The following RASGRP2 variants were observed in gnomAD, a reference collection of about 807,000 sequenced individuals.
RASGRP2 encodes the protein RAS guanyl-releasing protein 2.
RASGRP2 carries 44 observed loss-of-function variants against 71.0 expected under a neutral mutation model. The ratio of observed to expected loss-of-function variants is 0.62; its 90% CI spans 0.49 to 0.80. The LOEUF (loss-of-function observed/expected upper bound fraction) is 0.80. Among genes scored for constraint, RASGRP2 ranks in the 30% least tolerant of loss-of-function variants. The probability of loss-of-function intolerance (pLI) is 0.00; values close to 1 mark genes in which losing one functional copy is unlikely to be tolerated. For missense variants in RASGRP2, 663 were observed against 813.4 expected, an observed-to-expected ratio of 0.82 and a Z score of 2.25; for synonymous variants, 350 against 330.7, an observed-to-expected ratio of 1.06 and a Z score of -0.63.
Position 64,741,056 on chromosome 11 carries a change from G to A in RASGRP2, c.263C>T (p.Ala88Val), listed in dbSNP as rs759368276. Residue 88 changes from alanine to valine, a missense_variant, in exon 5 of 17, where the codon GCG becomes GTG. By Grantham distance (64) the Ala-to-Val change is moderately conservative. Transcript: ENST00000394432. ...CAACTCCGGGTTCAAGTCAAACTCC[G>A]CTGGGAAGGCGGAGATCCAGTACCT... ...LVRYWISAFP[A>V]EFDLNPELAE... The A allele has an allele frequency of 5.0e-6, 8 of 1,613,368 alleles. No individual in the cohort carries two copies. The highest frequency in any genetic ancestry group is 5.9e-6 in the Non-Finnish European group (7 of 1,179,992).
chr11:64,731,102 G>A (rs1185890500), intron 12 of RASGRP2, among the ~76,000 whole-genome samples: 2 of 152,178 alleles, frequency 1.3e-5, no homozygotes, highest in African/African-American at 2.4e-5. Flanking sequence ...TACGCCTGTA[G>A]TCCCAGCACT....
intron 12 of RASGRP2, among the ~76,000 whole-genome samples, chr11:64,732,304 G>A (rs2057788156): frequency 6.6e-6 from 1 of 150,880 alleles, no homozygotes; most frequent in Admixed American, 6.6e-5. Flanking sequence ...GATCACCTGA[G>A]GTGAGGTCAG....
At chr11:64,729,523 G>A (rs1314329766) in intron 14 of RASGRP2, among the ~76,000 whole-genome samples, 2 of 152,088 alleles carry the variant, frequency 1.3e-5, no homozygotes, top group Non-Finnish European at 2.9e-5. Context: ...TTTTAGTAGA[G>A]GCGGGGTTGC....
At chr11:64,737,223 A>C in intron 8 of RASGRP2, 189 bp from the exon 9 acceptor site, 1 of 662,036 alleles carries the variant, frequency 1.5e-6, no homozygotes, top group East Asian at 2.7e-5. Flanking sequence ...AATTCAAGGC[A>C]ATACTCACTG....
At chr11:64,730,785 G>A (rs138417284) in intron 12 of RASGRP2, among the ~76,000 whole-genome samples, 3 of 152,378 alleles carry the variant, frequency 2.0e-5, no homozygotes, top group African/African-American at 4.8e-5. Context: ...CTCTTGACCT[G>A]TAGCGGAGTA....
chr11:64,742,405 A>G lies in RASGRP2; in HGVS notation c.74-293T>C. 3 of 573,948 alleles carry G rather than the reference A, an allele frequency of 5.2e-6. No individual in the cohort carries two copies. The highest frequency in any genetic ancestry group is 9.4e-6 in the Non-Finnish European group (3 of 320,038). The allele number at this position is 573,948 out of a possible 1,614,324, so 35.6% of individuals were successfully genotyped here. A position where few individuals can be genotyped will look rare whatever the true frequency, so the allele number is the denominator to read the frequency against. ...GGGTTCCCCGGGGTCAAGAATCCAG[A>G]GGTCATTTCCTGAGCGCTTGGGGGG... On this transcript the variant is annotated intron_variant, in intron 2 of 16. Transcript: ENST00000394432. The surrounding 1 kb of genome is among the most constrained non-coding windows in gnomAD (Gnocchi z 4.7).
Position 64,727,138 on chromosome 11 carries a change from A to C in RASGRP2, c.*7-7T>G. On this transcript the variant is annotated splice_region_variant and splice_polypyrimidine_tract_variant and intron_variant, in intron 16 of 16. Transcript: ENST00000394432. ...GTCCTTGATCCAACCACAGCTGGGA[A>C]GAGAAAAACAGGTTGTGAGGAAGAC... The C allele has an allele frequency of 1.5e-6, 1 of 649,992 alleles. No individual in the cohort carries two copies. The highest frequency in any genetic ancestry group is 2.8e-6 in the Non-Finnish European group (1 of 354,816). 40.3% of individuals were successfully genotyped at this position (649,992 alleles called of 1,614,324 possible).
In RASGRP2 at chr11:64,739,816, G is replaced by A; in HGVS notation, c.523-7C>T. The A allele has an allele frequency of 6.2e-7, 1 of 1,613,582 alleles. No homozygotes were observed. The highest frequency in any genetic ancestry group is 1.6e-4 in the Middle Eastern group (1 of 6,062). On this transcript the variant is annotated splice_region_variant and splice_polypyrimidine_tract_variant and intron_variant, in intron 6 of 16. Transcript: ENST00000394432. The surrounding 1 kb of genome is among the most constrained non-coding windows in gnomAD (Gnocchi z 4.2). ...AACTGTGATAGTCCTGAAACTGGGG[G>A]CATGAGGAGTGGCCTCAGCACCTTG...
At chr11:64,733,395 AACACACACACACACACACACACAC>A (rs4014428) in intron 12 of RASGRP2, among the ~76,000 whole-genome samples, 7 of 124,796 alleles carry the variant, frequency 5.6e-5, no homozygotes, top group African/African-American at 9.0e-5. Context: ...CCCCCTCACC[AACACACACACACACACACACACAC>A]ACACACACAC....
Position 64,742,214 on chromosome 11 carries a change from G to T in RASGRP2, c.74-102C>A. ...CCAGGTATCGGTCCTTCGGGTGCACGCTCGACCCCGCCCACCTCCTGCTTG... is the reference window on the plus strand; with the variant it reads ...CCAGGTATCGGTCCTTCGGGTGCACTCTCGACCCCGCCCACCTCCTGCTTG... On this transcript the variant is annotated intron_variant, in intron 2 of 16. Coordinates refer to ENST00000394432, the MANE Select transcript of RASGRP2 (RefSeq NM_001098671.2). The surrounding 1 kb of genome is among the most constrained non-coding windows in gnomAD (Gnocchi z 4.7). The T allele has an allele frequency of 1.2e-6, 1 of 865,344 alleles. No homozygotes were observed. The highest frequency in any genetic ancestry group is 1.9e-6 in the Non-Finnish European group (1 of 522,780). The allele number at this position is 865,344 out of a possible 1,614,324, so 53.6% of individuals were successfully genotyped here. A position where few individuals can be genotyped will look rare whatever the true frequency, so the allele number is the denominator to read the frequency against.
chr11:64,735,083 C>G lies in RASGRP2; in HGVS notation c.1412+29G>C, dbSNP rs781299777. On this transcript the variant is annotated intron_variant, in intron 12 of 16. Transcript: ENST00000394432. The surrounding 1 kb of genome is among the most constrained non-coding windows in gnomAD (Gnocchi z 4.2). ...GCAGAAGTGGGCTGAGTTGCCTTCC[C>G]TCTCCCCCAGGTCCCCAGCCCTCCT... 31 of 1,560,988 alleles carry G rather than the reference C, an allele frequency of 2.0e-5. No homozygotes were observed. The highest frequency in any genetic ancestry group is 2.6e-5 in the Non-Finnish European group (29 of 1,131,606).
At position 64,735,710 on chromosome 11, in the gene RASGRP2, C is replaced by T; in HGVS notation, c.1174-46G>A. The stretch of plus-strand genomic sequence containing the variant: ...GAGCTAGGGCCAGAGGCAGGGGAAG[C>T]CCAGAGCCCCGGGGAACAGAGAGGG... On this transcript the variant is annotated intron_variant, in intron 10 of 16. Coordinates refer to ENST00000394432, the MANE Select transcript of RASGRP2 (RefSeq NM_001098671.2). The surrounding 1 kb of genome is among the most constrained non-coding windows in gnomAD (Gnocchi z 4.2). 1 of 1,579,302 alleles carries T rather than the reference C, an allele frequency of 6.3e-7. No homozygotes were observed. Among genetic ancestry groups the T allele is most frequent in the Non-Finnish European group, 8.6e-7 (1 of 1,164,294 alleles).
At chr11:64,734,092 A>G (rs947405626) in intron 12 of RASGRP2, among the ~76,000 whole-genome samples, 2 of 151,916 alleles carry the variant, frequency 1.3e-5, no homozygotes, top group African/African-American at 4.8e-5. Flanking sequence ...CAGGTAGATC[A>G]CTTGAGGTCA....
chr11:64,741,638 G>A (rs2058127034), intron 3 of RASGRP2, 137 bp from the exon 4 acceptor site: 1 of 831,810 alleles, frequency 1.2e-6, no homozygotes, highest in African/African-American at 1.7e-5. Context: ...TGGGGGTGAG[G>A]CTTGAGCTCT....
Position 64,728,900 on chromosome 11 carries a change from A to G in RASGRP2, c.1734T>C (p.Ser578=), listed in dbSNP as rs1592347677. The stretch of plus-strand genomic sequence containing the variant: ...AGCCTCGCCTGCCAGGGCGGGGCAG[A>G]GAGAAGCTGAAGGCGCGGTGATGGT... ...HSHHHRAFSF[S]LPRPGRRGSR... Residue 578 remains serine (S), a synonymous_variant, in exon 15 of 17, where the codon TCT becomes TCC. Coordinates refer to ENST00000394432, the MANE Select transcript of RASGRP2 (RefSeq NM_001098671.2). The G allele has an allele frequency of 6.2e-7, 1 of 1,612,994 alleles. No individual in the cohort carries two copies. Among genetic ancestry groups the G allele is most frequent in the Non-Finnish European group, 8.5e-7 (1 of 1,179,934 alleles).
chr11:64,742,169 C>A lies in RASGRP2; in HGVS notation c.74-57G>T. On this transcript the variant is annotated intron_variant, in intron 2 of 16. Coordinates refer to ENST00000394432, the MANE Select transcript of RASGRP2 (RefSeq NM_001098671.2). This position sits in a 1 kb window ranked among gnomAD's most constrained non-coding sequence, Gnocchi z 4.7. ...AGCTGGGTCCGCAGCTACCATGCCT[C>A]ATCCTCACCCCGCAACCCGCCAGGT... 1 of 1,351,988 alleles carries A rather than the reference C, an allele frequency of 7.4e-7. No individual in the cohort carries two copies. The highest frequency in any genetic ancestry group is 1.2e-5 in the South Asian group (1 of 80,180). The allele number at this position is 1,351,988 out of a possible 1,614,324, so 83.7% of individuals were successfully genotyped here. A position where few individuals can be genotyped will look rare whatever the true frequency, so the allele number is the denominator to read the frequency against.
At chr11:64,737,131 G>C in intron 8 of RASGRP2, 97 bp from the exon 9 acceptor site, 1 of 1,487,870 alleles carries the variant, frequency 6.7e-7, no homozygotes, top group South Asian at 1.2e-5. Context: ...CAGGGTCAGG[G>C]ACAGGTGAAA....
Position 64,739,870 on chromosome 11 carries a change from C to T in RASGRP2, c.523-61G>A. ...GCCTCTCCCCTCACTGATAGCCACT[C>T]CTCACCCTCCAGCTGACCTTCAGTG... On this transcript the variant is annotated intron_variant, in intron 6 of 16. Coordinates refer to ENST00000394432, the MANE Select transcript of RASGRP2 (RefSeq NM_001098671.2). The surrounding 1 kb of genome is among the most constrained non-coding windows in gnomAD (Gnocchi z 4.2). 1 of 1,609,940 alleles carries T rather than the reference C, an allele frequency of 6.2e-7. No individual in the cohort carries two copies. Among genetic ancestry groups the T allele is most frequent in the Non-Finnish European group, 8.5e-7 (1 of 1,178,174 alleles).
At chr11:64,729,222 T>C (rs558610172) in intron 14 of RASGRP2, among the ~76,000 whole-genome samples, 180 bp from the exon 15 acceptor site, 26 of 152,320 alleles carry the variant, frequency 1.7e-4, no homozygotes, top group African/African-American at 5.1e-4. Flanking sequence ...CCTTCTCCCA[T>C]GTTCTCTGTT....
Sources: gnomAD v4.1 joint callset for allele counts (sites outside exome capture counted in the v4.1 genomes callset) on GRCh38, gnomAD v4.1.1 for gene constraint, Gnocchi (gnomAD v3.1) non-coding constraint, MANE v1.5 for transcripts, NCBI Gene and HGNC (gene_info 2026-07-23, HGNC 2026-07-21) for gene names.